RCOR1: variants seen among roughly 807,000 people sequenced by gnomAD.
RCOR1 encodes REST corepressor 1, also known as REST corepressor.
In RCOR1, 12 loss-of-function variants were observed where a neutral mutation model predicts 64.0. That is an observed-to-expected ratio of 0.19 (90% CI 0.12 to 0.30). RCOR1 has a LOEUF of 0.30. Ranked by LOEUF, RCOR1 falls within the 10% of genes least tolerant of loss-of-function variation. The pLI, the probability that RCOR1 is intolerant of heterozygous loss-of-function variation, is 1.00. For synonymous variants in RCOR1, 279 were observed against 227.2 expected (o/e 1.23, Z -2.05); for missense variants, 502 against 621.2 (o/e 0.81, Z 2.04).
At chr14:102,721,162 T>TCC in intron 9 of RCOR1, 78 bp downstream of exon 9, 2 of 1,034,746 alleles carry the variant, frequency 1.9e-6, no homozygotes, top group South Asian at 2.9e-5. Flanking sequence ...GTGTGATACA[T>TCC]CCCCAGTATA....
chr14:102,712,663 C>CT (rs80063348), intron 7 of RCOR1, among the ~76,000 whole-genome samples: 1,729 of 109,244 alleles, frequency 0.016, 13 homozygotes, highest in South Asian at 0.02. Context: ...ATTGTTAAGG[C>CT]TTTTTTTTTT....
intron 2 of RCOR1, among the ~76,000 whole-genome samples, chr14:102,659,728 G>A (rs768376352): frequency 2.0e-5 from 3 of 152,150 alleles, no homozygotes; most frequent in Non-Finnish European, 2.9e-5. Flanking sequence ...GGACAGTAAC[G>A]GAGAGGTATC....
intron 2 of RCOR1, among the ~76,000 whole-genome samples, chr14:102,595,277 G>C (rs1224682756): frequency 6.6e-6 from 1 of 152,212 alleles, no homozygotes; most frequent in African/African-American, 2.4e-5. Flanking sequence ...CAAGGCTGGA[G>C]GATCTCTGGA....
intron 7 of RCOR1, 47 bp from the exon 8 acceptor site, chr14:102,714,376 A>G (rs1278298519): frequency 9.3e-6 from 12 of 1,288,990 alleles, no homozygotes; most frequent in Non-Finnish European, 1.3e-5. Context: ...ATTACTGATC[A>G]TTTGACTTTT....
intron 3 of RCOR1, among the ~76,000 whole-genome samples, chr14:102,686,702 C>A (rs1175803626): frequency 6.6e-6 from 1 of 152,220 alleles, no homozygotes; most frequent in East Asian, 1.9e-4. Context: ...AAATTGGCTT[C>A]TTTCACTTAG....
chr14:102,603,094 T>C (rs1315278011), intron 2 of RCOR1, among the ~76,000 whole-genome samples: 28 of 151,888 alleles, frequency 1.8e-4, no homozygotes, highest in Admixed American at 1.8e-3. Context: ...TTTCCCCTTT[T>C]TTGAGATGAG....
chr14:102,689,128 G>T (rs12884198), intron 3 of RCOR1, among the ~76,000 whole-genome samples: 1 of 152,116 alleles, frequency 6.6e-6, no homozygotes, highest in African/African-American at 2.4e-5. Context: ...CAAAGTGGGC[G>T]TATTAGAGTT....
intron 2 of RCOR1, among the ~76,000 whole-genome samples, chr14:102,596,845 G>A (rs1222002619): frequency 1.4e-5 from 2 of 146,146 alleles, no homozygotes; most frequent in African/African-American, 2.5e-5. Context: ...GATTACAGGC[G>A]TGAACCACTG....
At chr14:102,633,992 A>G (rs1567415705) in intron 2 of RCOR1, among the ~76,000 whole-genome samples, 1 of 152,282 alleles carries the variant, frequency 6.6e-6, no homozygotes, top group East Asian at 1.9e-4. Context: ...ATGTACACAT[A>G]CATGCTTGTG....
At chr14:102,640,310 A>G (rs1894340838) in intron 2 of RCOR1, among the ~76,000 whole-genome samples, 2 of 152,192 alleles carry the variant, frequency 1.3e-5, no homozygotes, top group African/African-American at 4.8e-5. Context: ...AATGGAAGAT[A>G]ATGAGTTAAA....
At position 102,647,605 on chromosome 14, in the gene RCOR1, C is replaced by T. The variant is rs145169298; in HGVS notation, c.362-34290C>T. 5.9e-5 allele frequency among the ~76,000 whole-genome samples: 9 copies of T among 152,326 alleles called. No homozygotes were observed. In the East Asian group the frequency reaches 1.7e-3, roughly 29 times the overall value. ...AAGTGCTGGGATTACAGGCGTGAGC[C>T]ACTGCACCTGGCCCAATTTAGGATT... On this transcript the variant is annotated intron_variant, in intron 2 of 11. Transcript: ENST00000262241.
chr14:102,619,967 A>G (rs1223808275), intron 2 of RCOR1, among the ~76,000 whole-genome samples: 1 of 152,212 alleles, frequency 6.6e-6, no homozygotes, highest in African/African-American at 2.4e-5. Flanking sequence ...ACCTGTCTAC[A>G]GACCAGCCAT....
intron 7 of RCOR1, among the ~76,000 whole-genome samples, chr14:102,712,663 C>CTTTTTTTTTTT (rs80063348): frequency 9.1e-6 from 1 of 109,360 alleles, no homozygotes; most frequent in Non-Finnish European, 1.9e-5. Flanking sequence ...ATTGTTAAGG[C>CTTTTTTTTTTT]TTTTTTTTTT....
chr14:102,640,574 T>G (rs1310950845), intron 2 of RCOR1, among the ~76,000 whole-genome samples: 3 of 152,228 alleles, frequency 2.0e-5, no homozygotes, highest in Admixed American at 2.0e-4. Flanking sequence ...AATATTAGTG[T>G]AAAATAACTA....
chr14:102,673,594 CA>C (rs922869627), intron 2 of RCOR1, among the ~76,000 whole-genome samples: 2 of 151,886 alleles, frequency 1.3e-5, no homozygotes, highest in African/African-American at 4.8e-5. Context: ...CTTGGCCTCC[CA>C]AAGTGCTGGG....
intron 3 of RCOR1, among the ~76,000 whole-genome samples, chr14:102,686,974 G>A (rs1204445399): frequency 6.6e-6 from 1 of 152,044 alleles, no homozygotes; most frequent in African/African-American, 2.4e-5. Flanking sequence ...CTTTGTGCCT[G>A]GACTTCATTC....
chr14:102,619,680 T>C (rs1893833798), intron 2 of RCOR1, among the ~76,000 whole-genome samples: 1 of 151,646 alleles, frequency 6.6e-6, no homozygotes, highest in African/African-American at 2.4e-5. Flanking sequence ...GGGGTTTCAC[T>C]ATGTTGGCCA....
At position 102,682,203 on chromosome 14, in the gene RCOR1, C is replaced by T. The variant is rs536817854; in HGVS notation, c.445+225C>T. 2.6e-5 allele frequency among the ~76,000 whole-genome samples: 4 copies of T among 152,276 alleles called. No individual in the cohort carries two copies. In the East Asian group the frequency reaches 7.7e-4, roughly 29 times the overall value. On this transcript the variant is annotated intron_variant, in intron 3 of 11. Transcript: ENST00000262241. ...GGAGTGCAGCAGCACGATCTGGGCT[C>T]ACTGCAATCTCTGCTTCCTGGGTTC...
intron 2 of RCOR1, among the ~76,000 whole-genome samples, chr14:102,634,075 C>G (rs1894182657): frequency 1.3e-5 from 2 of 152,010 alleles, no homozygotes. Flanking sequence ...TACTCTTGTT[C>G]AGTGCTTGGA....
Sources: allele counts gnomAD v4.1 joint callset (sites outside exome capture counted in the v4.1 genomes callset), GRCh38; gene constraint gnomAD v4.1.1; transcripts MANE v1.5; gene names NCBI Gene and HGNC (gene_info 2026-07-23, HGNC 2026-07-21).